UBE2D2: variants seen among roughly 807,000 people sequenced by gnomAD.
UBE2D2 encodes ubiquitin conjugating enzyme E2 D2.
Under a neutral mutation model 24.2 loss-of-function variants are expected in UBE2D2, and 2 were observed. That is an observed-to-expected ratio of 0.08 (90% CI 0.03 to 0.26). UBE2D2 has a LOEUF of 0.26. Ranked by LOEUF, UBE2D2 falls within the 10% of genes least tolerant of loss-of-function variation. UBE2D2 has a pLI of 1.00. For missense variants in UBE2D2, 44 were observed against 177.6 expected, an observed-to-expected ratio of 0.25 and a Z score of 4.28; for synonymous variants, 58 against 56.5, an observed-to-expected ratio of 1.03 and a Z score of -0.12.
rs1291243335 is a variant in UBE2D2 at position 139,561,754 on chromosome 5, G to T, written c.-38G>T. On this transcript the variant is annotated 5_prime_UTR_variant, in exon 1 of 7. Transcript: ENST00000398733. ...CCTTCCCCGTCCCTTCCCCGCCCCC[G>T]TCCCCGCCCCGGGGGCCGCCGCCAC... 6 of 543,720 alleles carry T rather than the reference G, an allele frequency of 1.1e-5. No individual in the cohort carries two copies. The highest frequency in any genetic ancestry group is 1.7e-5 in the Non-Finnish European group (6 of 363,318). The allele number at this position is 543,720 out of a possible 1,614,324, so 33.7% of individuals were successfully genotyped here.
At chr5:139,561,849 A>C (rs747531920) in intron 1 of UBE2D2, 34 bp downstream of exon 1, 3 of 1,462,244 alleles carry the variant, frequency 2.1e-6, no homozygotes, top group Non-Finnish European at 2.7e-6. Flanking sequence ...GCTGCTGGCC[A>C]GCTGAGCAGG....
chr5:139,565,342 A>G (rs1054694552), intron 1 of UBE2D2, among the ~76,000 whole-genome samples: 2 of 152,212 alleles, frequency 1.3e-5, no homozygotes, highest in Non-Finnish European at 2.9e-5. Flanking sequence ...CCTGACCTAT[A>G]CTATAAGCAG....
At chr5:139,586,564 G>C (rs1753730618) in intron 1 of UBE2D2, among the ~76,000 whole-genome samples, 1 of 152,130 alleles carries the variant, frequency 6.6e-6, no homozygotes, top group Non-Finnish European at 1.5e-5. Flanking sequence ...AGGAGATGGA[G>C]ACCATCCTGG....
At chr5:139,606,766 T>C (rs1210349585) in intron 2 of UBE2D2, among the ~76,000 whole-genome samples, 1 of 152,154 alleles carries the variant, frequency 6.6e-6, no homozygotes, top group East Asian at 1.9e-4. Flanking sequence ...TCAGTAACTA[T>C]TTTGGGGGTC....
At chr5:139,561,947 C>T in intron 1 of UBE2D2, 132 bp downstream of exon 1, 1 of 1,259,764 alleles carries the variant, frequency 7.9e-7, no homozygotes, top group Non-Finnish European at 1.0e-6. Context: ...GGGGCGGCCT[C>T]CATACCCCAC....
At chr5:139,553,471 G>A (rs1458925383) in intron 1 of UBE2D2, among the ~76,000 whole-genome samples, 1 of 152,126 alleles carries the variant, frequency 6.6e-6, no homozygotes, top group Non-Finnish European at 1.5e-5. Context: ...TCAGCTGTGG[G>A]AACACCTTTG....
At chr5:139,567,597 A>G (rs1265507830) in intron 1 of UBE2D2, among the ~76,000 whole-genome samples, 2 of 140,728 alleles carry the variant, frequency 1.4e-5, no homozygotes, top group Non-Finnish European at 3.0e-5. Flanking sequence ...GCAGTGGCAC[A>G]ATCTCGGCTC....
intron 5 of UBE2D2, among the ~76,000 whole-genome samples, chr5:139,622,063 C>CTGGG (rs1409739412): frequency 6.6e-6 from 1 of 152,136 alleles, no homozygotes; most frequent in East Asian, 1.9e-4. Flanking sequence ...CACGTCACTG[C>CTGGG]ACCTGTCTGG....
chr5:139,544,289 A>AT (rs370898297), intron 1 of UBE2D2, among the ~76,000 whole-genome samples: 10,921 of 131,214 alleles, frequency 0.083, 451 homozygotes, highest in South Asian at 0.12. Context: ...AGCCACTGCA[A>AT]TTTTTTTTTT....
At chr5:139,569,655 G>T (rs1354797117) in intron 1 of UBE2D2, among the ~76,000 whole-genome samples, 1 of 152,182 alleles carries the variant, frequency 6.6e-6, no homozygotes. Context: ...GCAGAGTCAA[G>T]TGAGATTTTG....
chr5:139,587,630 G>A (rs1232705503), intron 1 of UBE2D2, among the ~76,000 whole-genome samples: 3 of 134,886 alleles, frequency 2.2e-5, no homozygotes, highest in Non-Finnish European at 4.6e-5. Context: ...CCAAGGTCGC[G>A]CCACTGCACT....
At chr5:139,624,742 C>T (rs1199007928) in intron 6 of UBE2D2, among the ~76,000 whole-genome samples, 1 of 152,230 alleles carries the variant, frequency 6.6e-6, no homozygotes, top group African/African-American at 2.4e-5. Context: ...AATTGCACCA[C>T]TGCACTTCAG....
At chr5:139,578,758 GT>G (rs1250834526) in intron 1 of UBE2D2, among the ~76,000 whole-genome samples, 2 of 152,074 alleles carry the variant, frequency 1.3e-5, no homozygotes, top group East Asian at 3.9e-4. Context: ...CTAAACTTCT[GT>G]TTTGTTAGGT....
intron 6 of UBE2D2, among the ~76,000 whole-genome samples, chr5:139,625,000 ATGTTGAACAC>A (rs1243572563): frequency 1.3e-5 from 2 of 152,052 alleles, no homozygotes; most frequent in South Asian, 2.1e-4. Context: ...TCATGGAGTA[ATGTTGAACAC>A]TGTTGAACAG....
At chr5:139,586,107 T>C (rs187772046) in intron 1 of UBE2D2, among the ~76,000 whole-genome samples, 7 of 152,118 alleles carry the variant, frequency 4.6e-5, no homozygotes, top group Non-Finnish European at 8.8e-5. Context: ...GTCTATTCTT[T>C]TTAATTGCAA....
chr5:139,573,709 C>G (rs1465031981), intron 1 of UBE2D2, among the ~76,000 whole-genome samples: 4 of 152,142 alleles, frequency 2.6e-5, no homozygotes, highest in Non-Finnish European at 5.9e-5. Flanking sequence ...GTGGCTCAAG[C>G]TTGTAATCCC....
chr5:139,594,351 A>G (rs540526032), intron 1 of UBE2D2, among the ~76,000 whole-genome samples: 1 of 152,156 alleles, frequency 6.6e-6, no homozygotes, highest in South Asian at 2.1e-4. Context: ...TGATATATAT[A>G]TATGTCTTAG....
At chr5:139,591,388 G>A (rs1170813087) in intron 1 of UBE2D2, among the ~76,000 whole-genome samples, 1 of 152,092 alleles carries the variant, frequency 6.6e-6, no homozygotes, top group Non-Finnish European at 1.5e-5. Flanking sequence ...CCAAAGTGCT[G>A]GGATTACAGG....
chr5:139,561,903 C>T, intron 1 of UBE2D2, 88 bp downstream of exon 1: 5 of 1,420,500 alleles, frequency 3.5e-6, no homozygotes, highest in South Asian at 1.6e-5. Context: ...GGGCTCGCGG[C>T]CTCCTTGGAT....
Sources: allele counts gnomAD v4.1 joint callset (sites outside exome capture counted in the v4.1 genomes callset), GRCh38; gene constraint gnomAD v4.1.1; transcripts MANE v1.5; gene names NCBI Gene and HGNC (gene_info 2026-07-23, HGNC 2026-07-21).